Variants in WDHD1 observed in about 807,000 individuals in gnomAD.
WDHD1 encodes WD repeat and HMG-box DNA-binding protein 1.
A neutral mutation model predicts 135.4 loss-of-function variants in WDHD1; 111 were observed. The ratio of observed to expected loss-of-function variants is 0.82; its 90% CI spans 0.70 to 0.96. The LOEUF is 0.96. Ranked by LOEUF, WDHD1 falls within the 40% of genes least tolerant of loss-of-function variation. WDHD1 has a pLI of 0.00. For synonymous variants in WDHD1, 434 were observed against 439.0 expected (o/e 0.99, Z 0.14); for missense variants, 1,351 against 1,336.3 (o/e 1.01, Z -0.17).
chr14:54,969,678 C>T (rs983119319), intron 16 of WDHD1, among the ~76,000 whole-genome samples: 1 of 151,780 alleles, frequency 6.6e-6, no homozygotes, highest in Non-Finnish European at 1.5e-5. Context: ...TCCAAAATAC[C>T]AACTCCTCTC....
At chr14:55,004,650 G>C (rs918867831) in intron 7 of WDHD1, among the ~76,000 whole-genome samples, 4 of 152,056 alleles carry the variant, frequency 2.6e-5, no homozygotes, top group African/African-American at 9.7e-5. Context: ...ACAGGGTTTC[G>C]CCATGTTTCC....
At chr14:55,004,360 T>C (rs2042028250) in intron 7 of WDHD1, among the ~76,000 whole-genome samples, 1 of 152,260 alleles carries the variant, frequency 6.6e-6, no homozygotes, top group Non-Finnish European at 1.5e-5. Flanking sequence ...CATAACTTTA[T>C]GTTTTATTAT....
chr14:55,003,586 A>T (rs1421104061), intron 7 of WDHD1, among the ~76,000 whole-genome samples: 1 of 100,482 alleles, frequency 1.0e-5, no homozygotes, highest in Non-Finnish European at 1.8e-5. Flanking sequence ...AGAAAAACGA[A>T]CTATATATAT....
chr14:54,983,598 G>A (rs968119539), intron 15 of WDHD1, among the ~76,000 whole-genome samples: 8 of 151,926 alleles, frequency 5.3e-5, no homozygotes, highest in African/African-American at 7.3e-5. Context: ...GCTGGAACCC[G>A]GAAGGCAGAG....
intron 17 of WDHD1, 72 bp downstream of exon 17, chr14:54,967,208 T>A: frequency 1.7e-6 from 2 of 1,197,198 alleles, no homozygotes; most frequent in South Asian, 2.5e-5. Flanking sequence ...GCCATCAGGA[T>A]AATTTTAAAG....
In WDHD1 at chr14:54,939,619, T is replaced by C. The variant is rs1207426659; in HGVS notation, c.*1871A>G. 2.0e-5 allele frequency: 3 copies of C among 149,452 alleles called. No individual in the cohort carries two copies. The highest frequency in any genetic ancestry group is 4.4e-5 in the Non-Finnish European group (3 of 67,664). 9.3% of individuals were successfully genotyped at this position (149,452 alleles called of 1,614,324 possible). On this transcript the variant is annotated 3_prime_UTR_variant, in exon 26 of 26. Transcript: ENST00000360586. ...AAAAAGAACACTGGAAAAAAACAGG[T>C]TTACTATTATATAGCAGAGAAATAA...
intron 18 of WDHD1, among the ~76,000 whole-genome samples, chr14:54,964,579 C>T (rs2041311044): frequency 6.6e-6 from 1 of 151,606 alleles, no homozygotes; most frequent in Admixed American, 6.6e-5. Flanking sequence ...GCGGAGCTTG[C>T]AGTGAGCAGA....
chr14:54,950,911 GA>G (rs1299319102), intron 24 of WDHD1, among the ~76,000 whole-genome samples: 8 of 152,078 alleles, frequency 5.3e-5, no homozygotes, highest in African/African-American at 1.9e-4. Flanking sequence ...GGTACATAAC[GA>G]AATGAAGGCA....
At position 54,962,818 on chromosome 14, in the gene WDHD1, C is replaced by G; in HGVS notation, c.2567G>C (p.Arg856Thr). The G allele has an allele frequency of 6.2e-7, 1 of 1,613,052 alleles. No homozygotes were observed. Among genetic ancestry groups the G allele is most frequent in the Non-Finnish European group, 8.5e-7 (1 of 1,179,994 alleles). ...ATCTTCTTCAACTTGATTTCTGAAC[C>G]TTGGTTGGCTCCACTCTGTAGCAGT... ...SNTATEWSQP[R>T]FRNQVEEDAE... Residue 856 changes from arginine (R) to threonine (T), a missense_variant, in exon 20 of 26, where the codon AGG (arginine) becomes ACG (threonine). Physicochemically the swap from Arg to Thr is moderately conservative, Grantham distance 71 (BLOSUM62 -1). Around this residue, in one of 2 missense-constraint regions of WDHD1, gnomAD observed 1,330 missense variants for 1,296.1 expected, o/e 1.03. Coordinates refer to ENST00000360586, the MANE Select transcript of WDHD1 (RefSeq NM_007086.4).
rs1051415727 is a variant in WDHD1, at chr14:54,984,783, C to T, written c.1846G>A (p.Gly616Ser). 2.5e-6 allele frequency: 4 copies of T among 1,613,606 alleles called. No individual in the cohort carries two copies. Among genetic ancestry groups the T allele is most frequent in the Admixed American group, 1.7e-5 (1 of 59,936 alleles). Residue 616 changes from glycine (G) to serine (S), a missense_variant, in exon 15 of 26, where the codon GGT (glycine) becomes AGT (serine). Physicochemically the swap from Gly to Ser is moderately conservative, Grantham distance 56. Coordinates refer to ENST00000360586, the MANE Select transcript of WDHD1 (RefSeq NM_007086.4). ...TTCCTTGTAAGAGGAAGAGGGTCACCATGCAAAATTTGTTTTTTCTTTTTC... is the reference window on the plus strand; with the variant it reads ...TTCCTTGTAAGAGGAAGAGGGTCACTATGCAAAATTTGTTTTTTCTTTTTC... ...LGKKKKQILH[G>S]DPLPLTRKSY...
At chr14:54,976,641 C>G (rs1304310478) in intron 16 of WDHD1, among the ~76,000 whole-genome samples, 1 of 152,036 alleles carries the variant, frequency 6.6e-6, no homozygotes, top group African/African-American at 2.4e-5. Flanking sequence ...CTAAATATGC[C>G]AACATGTTAA....
intron 21 of WDHD1, among the ~76,000 whole-genome samples, chr14:54,958,730 G>C (rs1380553116): frequency 6.6e-6 from 1 of 152,138 alleles, no homozygotes; most frequent in African/African-American, 2.4e-5. Flanking sequence ...GACTCATTGT[G>C]TTCCAATAGT....
chr14:54,943,142 T>G (rs778501980), intron 25 of WDHD1, among the ~76,000 whole-genome samples: 1 of 152,182 alleles, frequency 6.6e-6, no homozygotes, highest in Non-Finnish European at 1.5e-5. Context: ...ATTTAACTGG[T>G]ACACCACACA....
rs568469911 is a variant in WDHD1 at position 54,946,670 on chromosome 14, T to C, written c.3051-2200A>G. 2.0e-5 allele frequency among the ~76,000 whole-genome samples: 3 copies of C among 152,204 alleles called. No homozygotes were observed. The South Asian group carries it at 6.2e-4, about 32-fold the overall frequency. ...ACCTGGCTGATTTTAAAACTTTTGG[T>C]AGAGATGGGGTCTCCCTACATTGCC... On this transcript the variant is annotated intron_variant, in intron 24 of 25. Transcript: ENST00000360586.
At chr14:54,959,784 A>ACC (rs199574542) in intron 21 of WDHD1, among the ~76,000 whole-genome samples, 128 of 150,604 alleles carry the variant, frequency 8.5e-4, no homozygotes, top group African/African-American at 3.0e-3. Context: ...CTGTATCCGC[A>ACC]CCCCCCCCAC....
chr14:54,987,016 T>C (rs961563814), intron 14 of WDHD1, 130 bp downstream of exon 14: 2 of 1,086,510 alleles, frequency 1.8e-6, no homozygotes, highest in Non-Finnish European at 2.6e-6. Flanking sequence ...AACAAAATTA[T>C]CTACATTTAA....
chr14:54,982,197 G>T (rs2041629984), intron 15 of WDHD1, among the ~76,000 whole-genome samples: 2 of 151,978 alleles, frequency 1.3e-5, no homozygotes, highest in South Asian at 4.2e-4. Flanking sequence ...TTTTAGTAGA[G>T]ACGGGGTTTC....
chr14:54,985,473 G>C (rs2041681186), intron 14 of WDHD1, among the ~76,000 whole-genome samples: 1 of 152,164 alleles, frequency 6.6e-6, no homozygotes, highest in African/African-American at 2.4e-5. Flanking sequence ...ACATGGTAAT[G>C]AGAAACAACG....
chr14:55,010,593 T>C, intron 3 of WDHD1, 133 bp from the exon 4 acceptor site: 2 of 785,422 alleles, frequency 2.5e-6, no homozygotes. Context: ...AAATTATCAC[T>C]AAATGTACAA....
Sources: gnomAD v4.1 joint callset for allele counts (sites outside exome capture counted in the v4.1 genomes callset) on GRCh38, gnomAD v4.1.1 for gene constraint, gnomAD v4.1.1 regional missense constraint, MANE v1.5 for transcripts, NCBI Gene and HGNC (gene_info 2026-07-23, HGNC 2026-07-21) for gene names.